MMP16: variants seen among roughly 807,000 people sequenced by gnomAD.
MMP16 encodes the protein matrix metalloproteinase-16.
In MMP16, 12 loss-of-function variants were observed where a neutral mutation model predicts 67.8. The observed-to-expected ratio is 0.18, with a 90% CI of 0.11 to 0.29. MMP16 has a LOEUF of 0.29. Among genes scored for constraint, MMP16 ranks in the 10% least tolerant of loss-of-function variants. The pLI is 1.00. For synonymous variants in MMP16, 249 were observed against 255.9 expected, an observed-to-expected ratio of 0.97 and a Z score of 0.26; for missense variants, 475 against 765.7, an observed-to-expected ratio of 0.62 and a Z score of 4.48.
intron 4 of MMP16, among the ~76,000 whole-genome samples, chr8:88,133,296 T>C (rs937666708): frequency 4.0e-5 from 6 of 150,322 alleles, no homozygotes; most frequent in Non-Finnish European, 8.9e-5. Context: ...AGAAAAATTA[T>C]ACAGCTCTGA....
chr8:88,093,207 C>A (rs1808968571), intron 6 of MMP16, among the ~76,000 whole-genome samples: 1 of 151,786 alleles, frequency 6.6e-6, no homozygotes, highest in Non-Finnish European at 1.5e-5. Flanking sequence ...CTGGGAGTAT[C>A]AGGCTATCAA....
chr8:88,180,667 G>A (rs1808965480), intron 3 of MMP16, among the ~76,000 whole-genome samples: 1 of 152,052 alleles, frequency 6.6e-6, no homozygotes, highest in South Asian at 2.1e-4. Context: ...AAAAATGCAT[G>A]AGGCACTATT....
intron 1 of MMP16, among the ~76,000 whole-genome samples, chr8:88,225,558 T>C (rs780529196): frequency 5.0e-4 from 76 of 151,832 alleles, no homozygotes; most frequent in Non-Finnish European, 9.4e-4. Context: ...ACAAGAAAAT[T>C]AATCCCACCT....
At chr8:88,138,606 C>A (rs1050886866) in intron 4 of MMP16, among the ~76,000 whole-genome samples, 14 of 152,078 alleles carry the variant, frequency 9.2e-5, no homozygotes, top group African/African-American at 3.4e-4. Flanking sequence ...TTTGTTGTCT[C>A]CTTATCTCCA....
intron 1 of MMP16, among the ~76,000 whole-genome samples, chr8:88,237,871 T>G (rs1809969891): frequency 6.6e-6 from 1 of 152,160 alleles, no homozygotes; most frequent in African/African-American, 2.4e-5. Flanking sequence ...GGAAATGATT[T>G]GTGTGCTTAT....
At chr8:88,217,756 A>T (rs570254553) in intron 1 of MMP16, among the ~76,000 whole-genome samples, 1 of 152,110 alleles carries the variant, frequency 6.6e-6, no homozygotes, top group Non-Finnish European at 1.5e-5. Context: ...ATTTAAAAAT[A>T]AAAATATGAA....
At chr8:88,230,570 C>T (rs1586216638) in intron 1 of MMP16, among the ~76,000 whole-genome samples, 1 of 144,922 alleles carries the variant, frequency 6.9e-6, no homozygotes, top group Admixed American at 7.0e-5. Flanking sequence ...ATCAAAAAAG[C>T]AACAGAAACA....
intron 1 of MMP16, among the ~76,000 whole-genome samples, chr8:88,202,214 G>T (rs1414248055): frequency 6.6e-6 from 1 of 152,032 alleles, no homozygotes; most frequent in African/African-American, 2.4e-5. Context: ...ACAACCAAAA[G>T]TTACTCCACT....
At chr8:88,110,944 C>A (rs533950024) in intron 6 of MMP16, among the ~76,000 whole-genome samples, 2 of 151,716 alleles carry the variant, frequency 1.3e-5, no homozygotes, top group East Asian at 3.9e-4. Context: ...AGCCATTATA[C>A]AAATGAGGAA....
chr8:88,056,751 T>C (rs1045097997), intron 7 of MMP16, among the ~76,000 whole-genome samples: 2 of 152,148 alleles, frequency 1.3e-5, no homozygotes, highest in African/African-American at 4.8e-5. Context: ...TCTCTGATTA[T>C]GTAAATGTTC....
intron 6 of MMP16, among the ~76,000 whole-genome samples, chr8:88,108,112 T>C (rs981939328): frequency 6.6e-6 from 1 of 151,272 alleles, no homozygotes; most frequent in Non-Finnish European, 1.5e-5. Flanking sequence ...TCCCTGTTTA[T>C]ACCTTATACC....
intron 6 of MMP16, among the ~76,000 whole-genome samples, chr8:88,100,964 C>G (rs964698449): frequency 6.8e-6 from 1 of 147,504 alleles, no homozygotes; most frequent in Non-Finnish European, 1.5e-5. Context: ...ACATCACACA[C>G]CGGGGCCTGT....
intron 1 of MMP16, among the ~76,000 whole-genome samples, chr8:88,315,338 T>C (rs1811360775): frequency 6.6e-6 from 1 of 152,176 alleles, no homozygotes. Flanking sequence ...GATCTGTGGT[T>C]AGTGTTCTTT....
rs138968036 is a variant in MMP16, at chr8:88,273,972, C to CCATCAT, written c.132+53097_132+53102dup. On this transcript the variant is annotated intron_variant, in intron 1 of 9. Coordinates refer to ENST00000286614, the MANE Select transcript of MMP16 (RefSeq NM_005941.5). Reference sequence around the variant, plus strand: ...GTTATTTTTATCATTTTCTTCATCACCATCATCATCATCATCATCATCAAC... The same window carrying CCATCAT: ...GTTATTTTTATCATTTTCTTCATCACCATCATCATCATCATCATCATCATCATCAAC... 5.3e-5 allele frequency among the ~76,000 whole-genome samples: 8 copies of CCATCAT among 151,948 alleles called. No homozygotes were observed. In the South Asian group the frequency reaches 8.3e-4, roughly 16 times the overall value.
chr8:88,186,941 T>C (rs1473760786), intron 2 of MMP16, among the ~76,000 whole-genome samples: 2 of 152,160 alleles, frequency 1.3e-5, no homozygotes, highest in African/African-American at 4.8e-5. Context: ...GGCAAGTCTT[T>C]AATTCCTAGT....
At chr8:88,260,051 A>G (rs1414308846) in intron 1 of MMP16, among the ~76,000 whole-genome samples, 1 of 152,220 alleles carries the variant, frequency 6.6e-6, no homozygotes, top group African/African-American at 2.4e-5. Context: ...CTACATATTC[A>G]AAAAATGCAC....
intron 4 of MMP16, among the ~76,000 whole-genome samples, chr8:88,149,269 C>T (rs1159334621): frequency 6.6e-6 from 1 of 152,240 alleles, no homozygotes; most frequent in Non-Finnish European, 1.5e-5. Context: ...TGCAAGGCGG[C>T]AGCGAGGCTG....
At chr8:88,147,472 T>C (rs1312648391) in intron 4 of MMP16, among the ~76,000 whole-genome samples, 1 of 152,106 alleles carries the variant, frequency 6.6e-6, no homozygotes, top group Non-Finnish European at 1.5e-5. Context: ...TAAGTTTTTT[T>C]CTAGGAATCT....
At chr8:88,222,690 T>C (rs917755493) in intron 1 of MMP16, among the ~76,000 whole-genome samples, 1 of 152,060 alleles carries the variant, frequency 6.6e-6, no homozygotes, top group Non-Finnish European at 1.5e-5. Flanking sequence ...ATACAAAAAT[T>C]AATTCAAGAT....
Sources: allele counts gnomAD v4.1 joint callset (sites outside exome capture counted in the v4.1 genomes callset), GRCh38; gene constraint gnomAD v4.1.1; transcripts MANE v1.5; gene names NCBI Gene and HGNC (gene_info 2026-07-23, HGNC 2026-07-21).